The following FN3KRP variants were observed in gnomAD, a reference collection of about 807,000 sequenced individuals.
FN3KRP encodes fructosamine 3 kinase related protein, also known as ketosamine-3-kinase.
FN3KRP carries 33 observed loss-of-function variants against 29.8 expected under a neutral mutation model. The observed-to-expected ratio is 1.11, with a 90% CI of 0.84 to 1.48. The LOEUF (loss-of-function observed/expected upper bound fraction) is 1.48, where lower values mean the gene tolerates loss of function less well. Among genes scored for constraint, FN3KRP ranks in the 40% most tolerant of loss-of-function variants. The pLI, the probability that FN3KRP is intolerant of heterozygous loss-of-function variation, is 0.00. For synonymous variants in FN3KRP, 157 were observed against 155.2 expected (o/e 1.01, Z -0.09); for missense variants, 430 against 402.6 (o/e 1.07, Z -0.58).
Position 82,716,914 on chromosome 17 carries a change from GC to G in FN3KRP, c.141+19del. 6.4e-7 allele frequency: 1 copy of G among 1,563,980 alleles called. No individual in the cohort carries two copies. The highest frequency in any genetic ancestry group is 1.9e-5 in the Admixed American group (1 of 52,186). On this transcript the variant is annotated intron_variant, in intron 1 of 5. Coordinates refer to ENST00000269373, the MANE Select transcript of FN3KRP (RefSeq NM_024619.4). The stretch of plus-strand genomic sequence containing the variant: ...AGGCGGAGGTCAGGCAGCGGGTCGG[GC>G]GGGCCGGGGGACCGGTTTCTTTCCG...
At chr17:82,718,610 G>A (rs1253014303) in intron 1 of FN3KRP, 1 of 1,141,478 alleles carries the variant, frequency 8.8e-7, no homozygotes. Context: ...CCGGATCTTA[G>A]TGGAATATTA....
At position 82,727,074 on chromosome 17, in the gene FN3KRP, A is replaced by G. The variant is rs762222117; in HGVS notation, c.833A>G (p.Gln278Arg). The G allele has an allele frequency of 3.1e-6, 5 of 1,614,058 alleles. No homozygotes were observed. The highest frequency in any genetic ancestry group is 2.2e-5 in the South Asian group (2 of 91,088). ...PKAPGFEKRL[Q>R]LYQLFHYLNH... The stretch of plus-strand genomic sequence containing the variant: ...GCCCCAGGATTCGAGAAGCGCCTTC[A>G]GTTGTATCAGCTCTTTCACTACTTG... The change falls in exon 6 of 6, where the codon CAG (glutamine) becomes CGG (arginine). Residue 278 changes from glutamine to arginine, a missense_variant. Physicochemically the swap from Gln to Arg is conservative, Grantham distance 43. Transcript: ENST00000269373.
At chr17:82,723,524 T>C (rs2046813543) in intron 4 of FN3KRP, among the ~76,000 whole-genome samples, 1 of 152,110 alleles carries the variant, frequency 6.6e-6, no homozygotes, top group Admixed American at 6.5e-5. Context: ...TGTGTGTGCA[T>C]ATGTGTATTT....
Position 82,726,592 on chromosome 17 carries a change from C to A in FN3KRP, c.581C>A (p.Ser194Tyr), listed in dbSNP as rs1306930858. 6.2e-7 allele frequency: 1 copy of A among 1,612,822 alleles called. No homozygotes were observed. Among genetic ancestry groups the A allele is most frequent in the South Asian group, 1.1e-5 (1 of 90,848 alleles). ...GACAGGGAGGCCCTCCAGCTTTGGT[C>A]TGCTCTGCAGGTGAGTGGGGCCCCA... ...SGDREALQLW[S>Y]ALQLKIPDLF... is the part of the protein sequence containing the mutation. Residue 194 changes from serine (S) to tyrosine (Y), a missense_variant, in exon 5 of 6, where the codon TCT (serine) becomes TAT (tyrosine). Transcript: ENST00000269373.
chr17:82,726,353 T>C, intron 4 of FN3KRP, 127 bp from the exon 5 acceptor site: 1 of 1,203,790 alleles, frequency 8.3e-7, no homozygotes, highest in Non-Finnish European at 1.2e-6. Context: ...CTCAGGCTCC[T>C]GTGACTGCCA....
In FN3KRP at chr17:82,726,999, G is replaced by A. The variant is rs1168003421; in HGVS notation, c.758G>A (p.Gly253Glu). The A allele has an allele frequency of 6.2e-7, 1 of 1,614,098 alleles. No homozygotes were observed. Among genetic ancestry groups the A allele is most frequent in the Non-Finnish European group, 8.5e-7 (1 of 1,180,024 alleles). ...GAGCTGGCAATAGCTGGCATGTTTG[G>A]GGGCTTTAGCAGCTCCTTTTACTCC... The part of the protein sequence containing the change: ...EYELAIAGMF[G>E]GFSSSFYSAY... Residue 253 changes from glycine to glutamate, a missense_variant, in exon 6 of 6, where the codon GGG becomes GAG. By Grantham distance (98) the Gly-to-Glu change is moderately conservative. Coordinates refer to ENST00000269373, the MANE Select transcript of FN3KRP (RefSeq NM_024619.4).
chr17:82,716,929 G>A (rs773564281), intron 1 of FN3KRP, 33 bp downstream of exon 1: 1 of 1,557,986 alleles, frequency 6.4e-7, no homozygotes, highest in South Asian at 1.2e-5. Context: ...CCGGGGGACC[G>A]GTTTCTTTCC....
intron 4 of FN3KRP, among the ~76,000 whole-genome samples, chr17:82,723,406 G>T (rs2046812136): frequency 6.6e-6 from 1 of 152,194 alleles, no homozygotes; most frequent in Admixed American, 6.5e-5. Context: ...CCTGCTTAGG[G>T]GCGGGGAGTG....
chr17:82,727,361 A>T lies in FN3KRP; in HGVS notation c.*190A>T. On this transcript the variant is annotated 3_prime_UTR_variant, in exon 6 of 6. Coordinates refer to ENST00000269373, the MANE Select transcript of FN3KRP (RefSeq NM_024619.4). ...CGTTGTCCACTTTGTGGGGCTTTGT[A>T]GGTAGACGGAGCCACACTACAGGCA... is the stretch of plus-strand genomic sequence containing the variant. The T allele has an allele frequency of 1.7e-6, 1 of 571,828 alleles. No homozygotes were observed. The highest frequency in any genetic ancestry group is 3.1e-6 in the Non-Finnish European group (1 of 326,640). The allele number at this position is 571,828 out of a possible 1,614,324, so 35.4% of individuals were successfully genotyped here.
intron 3 of FN3KRP, among the ~76,000 whole-genome samples, chr17:82,721,562 GCA>G (rs2046798366): frequency 6.6e-6 from 1 of 152,016 alleles, no homozygotes; most frequent in Admixed American, 6.6e-5. Flanking sequence ...GAGTGCAGTG[GCA>G]TGATCTCTGC....
At chr17:82,723,118 A>G (rs2046810027) in intron 4 of FN3KRP, among the ~76,000 whole-genome samples, 1 of 141,654 alleles carries the variant, frequency 7.1e-6, no homozygotes, top group African/African-American at 2.7e-5. Context: ...CAAGGTGGGT[A>G]AAAATGAGGG....
At position 82,727,288 on chromosome 17, in the gene FN3KRP, G is replaced by T. The variant is rs2046845698; in HGVS notation, c.*117G>T. On this transcript the variant is annotated 3_prime_UTR_variant, in exon 6 of 6. Transcript: ENST00000269373. ...GACCAATGCAGTAGCTTATTTCCAA[G>T]CCTTGCAAAGTATATAATATCTAAG... The T allele has an allele frequency of 1.1e-6, 1 of 905,644 alleles. No homozygotes were observed. The highest frequency in any genetic ancestry group is 2.5e-5 in the Admixed American group (1 of 39,380). 56.1% of individuals were successfully genotyped at this position (905,644 alleles called of 1,614,324 possible).
At chr17:82,726,410 T>C in intron 4 of FN3KRP, 70 bp from the exon 5 acceptor site, 1 of 1,560,340 alleles carries the variant, frequency 6.4e-7, no homozygotes, top group Non-Finnish European at 8.7e-7. Flanking sequence ...TTGAGATGCT[T>C]GTGGGTAGCT....
rs2250000 is a variant in FN3KRP at position 82,716,767 on chromosome 17, C to G, written c.12C>G (p.Leu4=). ...GCCGCGGCGGGAACATGGAGGAGCT[C>G]CTGAGGCGCGAGCTGGGCTGCAGCT... MEE[L]LRRELGCSSV... The change falls in exon 1 of 6, where the codon CTC becomes CTG. Residue 4 remains leucine (L), a synonymous_variant. Coordinates refer to ENST00000269373, the MANE Select transcript of FN3KRP (RefSeq NM_024619.4). 1 allele frequency: 1,521,883 copies of G among 1,523,822 alleles called. 759,990 individuals are homozygous for G. Among genetic ancestry groups the G allele is most frequent in the East Asian group, 1 (36,774 of 36,774 alleles). The allele number at this position is 1,523,822 out of a possible 1,614,324, so 94.4% of individuals were successfully genotyped here.
chr17:82,725,827 C>T (rs2046832698), intron 4 of FN3KRP, among the ~76,000 whole-genome samples: 1 of 152,156 alleles, frequency 6.6e-6, no homozygotes, highest in Non-Finnish European at 1.5e-5. Flanking sequence ...TGGGTGAAGT[C>T]CTGGTGCATC....
chr17:82,716,986 C>T (rs2046760374), intron 1 of FN3KRP, 90 bp downstream of exon 1: 1 of 1,454,612 alleles, frequency 6.9e-7, no homozygotes, highest in South Asian at 1.3e-5. Flanking sequence ...GGGCTTCTCC[C>T]GCCGGAGGCC....
chr17:82,722,336 C>T (rs1310835345), intron 3 of FN3KRP, among the ~76,000 whole-genome samples: 2 of 152,018 alleles, frequency 1.3e-5, no homozygotes, highest in African/African-American at 2.4e-5. Flanking sequence ...GGTTTCACCA[C>T]GTTGGGCAGG....
chr17:82,719,984 T>G (rs1222315233), intron 2 of FN3KRP, among the ~76,000 whole-genome samples: 1 of 151,790 alleles, frequency 6.6e-6, no homozygotes, highest in East Asian at 1.9e-4. Context: ...GCCAACACAG[T>G]GAAACCCTGC....
chr17:82,716,714 T>G lies in FN3KRP; in HGVS notation c.-42T>G, dbSNP rs2046755730. 17 of 1,451,046 alleles carry G rather than the reference T, an allele frequency of 1.2e-5. No homozygotes were observed. Among genetic ancestry groups the G allele is most frequent in the Non-Finnish European group, 1.4e-5 (16 of 1,108,230 alleles). 89.9% of individuals were successfully genotyped at this position (1,451,046 alleles called of 1,614,324 possible). A position where few individuals can be genotyped will look rare whatever the true frequency, so the allele number is the denominator to read the frequency against. Reference sequence around the variant, plus strand: ...GCCCGCTCGGCCGCCGTCTCTCGAGTCTCCGCCAGATCCGGGGCGGGTCCG... The same window carrying G: ...GCCCGCTCGGCCGCCGTCTCTCGAGGCTCCGCCAGATCCGGGGCGGGTCCG... On this transcript the variant is annotated 5_prime_UTR_variant, in exon 1 of 6. Coordinates refer to ENST00000269373, the MANE Select transcript of FN3KRP (RefSeq NM_024619.4).
Sources: gnomAD v4.1 joint callset for allele counts (sites outside exome capture counted in the v4.1 genomes callset) on GRCh38, gnomAD v4.1.1 for gene constraint, MANE v1.5 for transcripts, NCBI Gene and HGNC (gene_info 2026-07-23, HGNC 2026-07-21) for gene names.